The following MGAM variants were observed in gnomAD, a reference collection of about 807,000 sequenced individuals.
MGAM encodes the protein maltase-glucoamylase.
In MGAM, 253 loss-of-function variants were observed where a neutral mutation model predicts 358.8. The observed-to-expected ratio is 0.71, with a 90% CI of 0.64 to 0.78. MGAM has a LOEUF of 0.78. Among genes scored for constraint, MGAM ranks in the 30% least tolerant of loss-of-function variants. MGAM has a pLI of 0.00. For synonymous variants in MGAM, 1,105 were observed against 1,227.1 expected, an observed-to-expected ratio of 0.90 and a Z score of 2.08; for missense variants, 3,080 against 3,432.6, an observed-to-expected ratio of 0.90 and a Z score of 2.57.
intron 2 of MGAM, among the ~76,000 whole-genome samples, chr7:141,990,387 A>G (rs181951161): frequency 1.3e-5 from 2 of 152,298 alleles, no homozygotes; most frequent in Non-Finnish European, 2.9e-5. Flanking sequence ...TGTGGGGAGA[A>G]GTAATATTCT....
At chr7:141,989,566 G>A (rs572943040) in intron 2 of MGAM, among the ~76,000 whole-genome samples, 8 of 140,232 alleles carry the variant, frequency 5.7e-5, no homozygotes, top group Non-Finnish European at 1.2e-4. Context: ...TTTTTTTTTC[G>A]ATTATTAGAG....
At chr7:142,066,541 G>C (rs763632294) in intron 40 of MGAM, 32 bp from the exon 41 acceptor site, 1 of 1,548,860 alleles carries the variant, frequency 6.5e-7, no homozygotes, top group Admixed American at 1.7e-5. Flanking sequence ...ATTCCAGGGC[G>C]AGCTCCCAAC....
chr7:142,095,191 G>A (rs78176531), intron 63 of MGAM, among the ~76,000 whole-genome samples: 1 of 151,986 alleles, frequency 6.6e-6, no homozygotes, highest in South Asian at 2.1e-4. Flanking sequence ...TCTCGAACTC[G>A]TGGCCTCAGT....
rs367873697 is a variant in MGAM, at chr7:142,102,525, T to A, written c.7964-105T>A. 48 of 1,090,048 alleles carry A rather than the reference T, an allele frequency of 4.4e-5. No individual in the cohort carries two copies. In the African/African-American group the frequency reaches 5.2e-4, roughly 12 times the overall value. 67.5% of individuals were successfully genotyped at this position (1,090,048 alleles called of 1,614,324 possible). On this transcript the variant is annotated intron_variant, in intron 68 of 70. Coordinates refer to ENST00000475668, the MANE Select transcript of MGAM (RefSeq NM_001365693.1). ...ATAAAAACAAAGATAAGCCTTACTC[T>A]CTCAAACAAGACAAGTAGGCAATTA...
chr7:142,069,297 C>G (rs1813128001), intron 43 of MGAM, among the ~76,000 whole-genome samples: 1 of 145,746 alleles, frequency 6.9e-6, no homozygotes, highest in Non-Finnish European at 1.6e-5. Flanking sequence ...TGAAGAGCTC[C>G]TTGCCGCATA....
chr7:142,052,653 A>C lies in MGAM; in HGVS notation c.2959-131A>C, dbSNP rs376352339. 44 of 1,343,624 alleles carry C rather than the reference A, an allele frequency of 3.3e-5. No homozygotes were observed. The African/African-American group carries it at 5.3e-4, about 16-fold the overall frequency. 83.2% of individuals were successfully genotyped at this position (1,343,624 alleles called of 1,614,324 possible). On this transcript the variant is annotated intron_variant, in intron 25 of 70. Transcript: ENST00000475668. ...GCTTGGAGACAAGGAATTGAAATTTATGTTATTGCCAAGTGATAAGTGATG... is the reference window on the plus strand; with the variant it reads ...GCTTGGAGACAAGGAATTGAAATTTCTGTTATTGCCAAGTGATAAGTGATG...
rs543567272 is a variant in MGAM, at chr7:142,066,707, G to T, written c.4905G>T (p.Arg1635=). ...KAHTEGVTVV[R]PLLHEFVSDQ... is the part of the protein sequence containing the mutation. ...ACACGGAGGGCGTCACTGTTGTGCGGCCTCTGCTCCATGAGTGAGTGTCCA... is the reference window on the plus strand; with the variant it reads ...ACACGGAGGGCGTCACTGTTGTGCGTCCTCTGCTCCATGAGTGAGTGTCCA... Residue 1635 remains arginine, a synonymous_variant, in exon 41 of 71, where the codon CGG becomes CGT. Coordinates refer to ENST00000475668, the MANE Select transcript of MGAM (RefSeq NM_001365693.1). 1.9e-6 allele frequency: 3 copies of T among 1,555,062 alleles called. No homozygotes were observed. In the African/African-American group the frequency reaches 4.0e-5, roughly 21 times the overall value.
chr7:142,042,183 A>G (rs1268733793), intron 21 of MGAM, among the ~76,000 whole-genome samples: 1 of 16,122 alleles, frequency 6.2e-5, no homozygotes, highest in African/African-American at 2.7e-4. Context: ...TATATAACAT[A>G]TTATATATAC....
chr7:142,097,206 A>G (rs4518576), intron 65 of MGAM, among the ~76,000 whole-genome samples: 141,040 of 152,160 alleles, frequency 0.93, 66,172 homozygotes, highest in Non-Finnish European at 1. Context: ...CAAAGTGCTG[A>G]GATGACAGAC....
Position 142,041,940 on chromosome 7 carries a change from A to T in MGAM, c.2498+1094A>T, listed in dbSNP as rs1406808740. On this transcript the variant is annotated intron_variant, in intron 21 of 70. Transcript: ENST00000475668. ...ACGTATAATATATAATATATATATT[A>T]TATATATACATATATATAATATATA... Among the ~76,000 whole-genome samples the T allele has an allele frequency of 3.8e-4, 6 of 15,884 alleles. 1 individual carries two copies. The Admixed American group carries it at 4.5e-3, about 12-fold the overall frequency. The allele number at this position is 15,884 out of a possible 152,430, so 10.4% of individuals were successfully genotyped here.
At position 142,050,772 on chromosome 7, in the gene MGAM, C is replaced by A. The variant is rs371591084; in HGVS notation, c.2713C>A (p.Leu905Ile). 5.6e-6 allele frequency: 9 copies of A among 1,613,632 alleles called. No individual in the cohort carries two copies. In the African/African-American group the frequency reaches 1.2e-4, roughly 22 times the overall value. ...TTTAGCATTTAATGAGATTAAAATTCTTGGGACGGAGGAACCTAGCAATGT... is the reference window on the plus strand; with the variant it reads ...TTTAGCATTTAATGAGATTAAAATTATTGGGACGGAGGAACCTAGCAATGT... ...NNLAFNEIKI[L>I]GTEEPSNVTV... is the part of the protein sequence containing the mutation. The change falls in exon 24 of 71, where the codon CTT (leucine) becomes ATT (isoleucine). Residue 905 changes from leucine to isoleucine, a missense_variant. Coordinates refer to ENST00000475668, the MANE Select transcript of MGAM (RefSeq NM_001365693.1).
intron 54 of MGAM, among the ~76,000 whole-genome samples, chr7:142,085,476 T>C (rs2129054959): frequency 6.8e-6 from 1 of 146,086 alleles, no homozygotes; most frequent in Admixed American, 6.9e-5. Context: ...TTTCTAAGCA[T>C]GAACCACTGA....
chr7:142,068,510 C>A, intron 42 of MGAM, 137 bp from the exon 43 acceptor site: 1 of 675,234 alleles, frequency 1.5e-6, no homozygotes, highest in East Asian at 2.8e-5. Flanking sequence ...GAAGGTTGCC[C>A]CAGTTGTTAA....
intron 21 of MGAM, among the ~76,000 whole-genome samples, chr7:142,046,009 T>TTATATATACATATAA (rs1267880620): frequency 1.6e-4 from 21 of 132,442 alleles, no homozygotes; most frequent in Non-Finnish European, 2.8e-4. Flanking sequence ...GTAATATATA[T>TTATATATACATATAA]TATGTATACA....
In MGAM at chr7:142,082,787, A is replaced by G. The variant is rs539217998; in HGVS notation, c.6268+216A>G. ...CAACTCTTATTTTGGTAAAAATCAC[A>G]TAAGAAGGGATAGTAAAACCACATG... On this transcript the variant is annotated intron_variant, in intron 52 of 70. Coordinates refer to ENST00000475668, the MANE Select transcript of MGAM (RefSeq NM_001365693.1). Among the ~76,000 whole-genome samples, 26 of 146,476 alleles carry G rather than the reference A, an allele frequency of 1.8e-4. 5 individuals are homozygous for G. The highest frequency in any genetic ancestry group is 3.3e-4 in the Non-Finnish European group (21 of 64,606).
rs1816844362 is a variant in MGAM, at chr7:142,106,168, A to G, written c.*277A>G. The stretch of plus-strand genomic sequence containing the variant: ...GTTCATCATATGACATTTACTGAAG[A>G]TGAACTGGGTCCATGATGAAGTGTG... On this transcript the variant is annotated 3_prime_UTR_variant, in exon 71 of 71. Transcript: ENST00000475668. 1 of 254,768 alleles carries G rather than the reference A, an allele frequency of 3.9e-6. No individual in the cohort carries two copies. The highest frequency in any genetic ancestry group is 7.8e-6 in the Non-Finnish European group (1 of 128,010). The allele number at this position is 254,768 out of a possible 1,614,324, so 15.8% of individuals were successfully genotyped here.
In MGAM at chr7:142,078,298, T is replaced by C. The variant is rs768974619; in HGVS notation, c.5494-20T>C. On this transcript the variant is annotated intron_variant, in intron 47 of 70. Transcript: ENST00000475668. ...TTTCTCCCAAAGATGAATTTCCTTG[T>C]GATTTCTGCATTCCTACAGGTCGCC... 66 of 1,427,504 alleles carry C rather than the reference T, an allele frequency of 4.6e-5. 11 individuals carry two copies. The highest frequency in any genetic ancestry group is 6.1e-5 in the Non-Finnish European group (65 of 1,064,208). The allele number at this position is 1,427,504 out of a possible 1,614,324, so 88.4% of individuals were successfully genotyped here.
rs116359955 is a variant in MGAM at position 142,059,468 on chromosome 7, G to A, written c.3820-4G>A. The A allele has an allele frequency of 3.4e-4, 539 of 1,605,726 alleles. 2 individuals are homozygous for A. In the African/African-American group the frequency reaches 6.2e-3, roughly 18 times the overall value. On this transcript the variant is annotated splice_polypyrimidine_tract_variant and splice_region_variant and intron_variant, in intron 31 of 70. Coordinates refer to ENST00000475668, the MANE Select transcript of MGAM (RefSeq NM_001365693.1). ...GCCTCTCAGCTCCCCATGTCCTCCC[G>A]CAGGATGTGCAGTACTCAGACATCG... is the stretch of plus-strand genomic sequence containing the variant.
At chr7:142,044,053 A>T (rs1584986846) in intron 21 of MGAM, among the ~76,000 whole-genome samples, 1 of 140,918 alleles carries the variant, frequency 7.1e-6, no homozygotes, top group Non-Finnish European at 1.5e-5. Flanking sequence ...TATATACATT[A>T]TATACACATA....
Sources: allele counts gnomAD v4.1 joint callset (sites outside exome capture counted in the v4.1 genomes callset), GRCh38; gene constraint gnomAD v4.1.1; transcripts MANE v1.5; gene names NCBI Gene and HGNC (gene_info 2026-07-23, HGNC 2026-07-21).